TAX1BP1: variants seen among roughly 807,000 people sequenced by gnomAD.
TAX1BP1 encodes Tax1 binding protein 1.
A neutral mutation model predicts 97.7 loss-of-function variants in TAX1BP1; 62 were observed. The observed-to-expected ratio is 0.63, with a 90% CI of 0.52 to 0.78. The LOEUF is 0.78. TAX1BP1 is among the 30% of genes least tolerant of loss of function. The pLI is 0.00. For missense variants in TAX1BP1, 867 were observed against 916.1 expected, an observed-to-expected ratio of 0.95 and a Z score of 0.69; for synonymous variants, 340 against 304.2, an observed-to-expected ratio of 1.12 and a Z score of -1.23.
intron 5 of TAX1BP1, 149 bp from the exon 6 acceptor site, chr7:27,785,014 C>A: frequency 1.5e-6 from 1 of 668,778 alleles, no homozygotes; most frequent in Non-Finnish European, 2.4e-6. Context: ...GTTATCATTT[C>A]AAGTTTTATA....
intron 1 of TAX1BP1, among the ~76,000 whole-genome samples, 175 bp from the exon 2 acceptor site, chr7:27,748,343 C>G (rs962064923): frequency 6.6e-6 from 1 of 151,994 alleles, no homozygotes; most frequent in Non-Finnish European, 1.5e-5. Context: ...TCCAGTTTGT[C>G]TGTATTTTTA....
chr7:27,798,340 C>T (rs1246082247), intron 12 of TAX1BP1, among the ~76,000 whole-genome samples: 1 of 151,160 alleles, frequency 6.6e-6, no homozygotes, highest in African/African-American at 2.4e-5. Context: ...GGGTGAATTG[C>T]CTGGGTGATA....
At chr7:27,824,426 C>T (rs1016394972) in intron 15 of TAX1BP1, among the ~76,000 whole-genome samples, 10 of 151,294 alleles carry the variant, frequency 6.6e-5, no homozygotes, top group Non-Finnish European at 8.8e-5. Context: ...TGGTGGTACA[C>T]GCCGGTAGTC....
At chr7:27,802,717 C>T (rs1429521266) in intron 13 of TAX1BP1, among the ~76,000 whole-genome samples, 4 of 151,844 alleles carry the variant, frequency 2.6e-5, no homozygotes, top group Non-Finnish European at 4.4e-5. Context: ...AAGTGGTACA[C>T]GAGTTAATAT....
chr7:27,767,559 G>A (rs544573106), intron 4 of TAX1BP1, among the ~76,000 whole-genome samples: 2 of 152,210 alleles, frequency 1.3e-5, no homozygotes, highest in South Asian at 4.1e-4. Flanking sequence ...TGGTGCAACT[G>A]CCTGATGATC....
At chr7:27,824,549 CAAAA>C (rs34757943) in intron 15 of TAX1BP1, among the ~76,000 whole-genome samples, 2 of 91,630 alleles carry the variant, frequency 2.2e-5, no homozygotes, top group African/African-American at 4.3e-5. Flanking sequence ...GACCTTGTCT[CAAAA>C]AAAAAAAAAA....
Position 27,800,066 on chromosome 7 carries a change from A to G in TAX1BP1, c.1740A>G (p.Leu580=). The change falls in exon 13 of 17, where the codon CTA becomes CTG. Residue 580 remains leucine, a synonymous_variant. Transcript: ENST00000396319. ...TTGCTGAAAATGTAAAACTTGAACT[A>G]GCTGAAGTACAGGACAATTATAAAG... The part of the protein sequence containing the change: ...VKIAENVKLE[L]AEVQDNYKEL... The G allele has an allele frequency of 2.5e-6, 4 of 1,593,494 alleles. No homozygotes were observed. Among genetic ancestry groups the G allele is most frequent in the Non-Finnish European group, 2.6e-6 (3 of 1,170,182 alleles).
At chr7:27,806,528 A>C (rs1790346853) in intron 13 of TAX1BP1, among the ~76,000 whole-genome samples, 1 of 152,116 alleles carries the variant, frequency 6.6e-6, no homozygotes, top group African/African-American at 2.4e-5. Flanking sequence ...TATGTCAGTG[A>C]TTTGAGATAC....
chr7:27,819,502 T>C (rs1305519461), intron 15 of TAX1BP1, among the ~76,000 whole-genome samples: 1 of 152,108 alleles, frequency 6.6e-6, no homozygotes, highest in Non-Finnish European at 1.5e-5. Flanking sequence ...TAAGATGGCA[T>C]TGAAAGGAAT....
intron 12 of TAX1BP1, among the ~76,000 whole-genome samples, chr7:27,796,585 G>C (rs1789942509): frequency 6.6e-6 from 1 of 152,228 alleles, no homozygotes; most frequent in African/African-American, 2.4e-5. Flanking sequence ...TTATCGGCCA[G>C]GTGCGGTGGC....
chr7:27,786,224 C>T (rs147654494), intron 7 of TAX1BP1, among the ~76,000 whole-genome samples: 1,999 of 151,302 alleles, frequency 0.013, 14 homozygotes, highest in Middle Eastern at 0.044. Context: ...CTCTGCCTCT[C>T]GGGTTCACGC....
At chr7:27,760,538 G>A (rs1408582632) in intron 3 of TAX1BP1, among the ~76,000 whole-genome samples, 12 of 151,942 alleles carry the variant, frequency 7.9e-5, no homozygotes, top group East Asian at 7.8e-4. Context: ...GACCGGAGGC[G>A]CCCGCCACCA....
intron 3 of TAX1BP1, among the ~76,000 whole-genome samples, chr7:27,765,406 T>TA (rs1247220425): frequency 6.6e-6 from 1 of 152,200 alleles, no homozygotes; most frequent in Non-Finnish European, 1.5e-5. Context: ...TTACTTTAGT[T>TA]AATATCTCTT....
rs1789738125 is a variant in TAX1BP1 at position 27,792,149 on chromosome 7, A to G, written c.1182A>G (p.Ala394=). ...GAACGATGGCAGACCTGCATACTGCACGCTTGGAAAACGAGAAAGTGAAAA... is the reference window on the plus strand; with the variant it reads ...GAACGATGGCAGACCTGCATACTGCGCGCTTGGAAAACGAGAAAGTGAAAA... ...RDRTMADLHT[A]RLENEKVKKQ... The change falls in exon 9 of 17, where the codon GCA becomes GCG. Residue 394 remains alanine, a synonymous_variant. Transcript: ENST00000396319. 6.2e-7 allele frequency: 1 copy of G among 1,614,028 alleles called. No homozygotes were observed. The highest frequency in any genetic ancestry group is 8.5e-7 in the Non-Finnish European group (1 of 1,180,028).
At chr7:27,761,311 G>A (rs1209939895) in intron 3 of TAX1BP1, among the ~76,000 whole-genome samples, 1 of 152,040 alleles carries the variant, frequency 6.6e-6, no homozygotes, top group African/African-American at 2.4e-5. Flanking sequence ...TGTTATAATT[G>A]ATGGACCAAT....
At chr7:27,763,517 A>T (rs1788507346) in intron 3 of TAX1BP1, among the ~76,000 whole-genome samples, 1 of 152,162 alleles carries the variant, frequency 6.6e-6, no homozygotes, top group African/African-American at 2.4e-5. Context: ...CTGTAATCCC[A>T]GCACTTTGGG....
intron 2 of TAX1BP1, among the ~76,000 whole-genome samples, chr7:27,752,516 A>G (rs899699751): frequency 1.6e-4 from 25 of 152,184 alleles, no homozygotes; most frequent in Admixed American, 4.6e-4. Flanking sequence ...AGGGAAGTTA[A>G]GAGGACAAAG....
In TAX1BP1 at chr7:27,796,117, A is replaced by G; in HGVS notation, c.1536A>G (p.Ala512=). 1 of 1,605,956 alleles carries G rather than the reference A, an allele frequency of 6.2e-7. No homozygotes were observed. The highest frequency in any genetic ancestry group is 1.7e-4 in the Middle Eastern group (1 of 6,046). ...GTCTTATATTCTGCCTTTCTACAGC[A>G]GAGGCAGATTTTGACATAGTAACAA... ...TVDVKPSPSA[A]EADFDIVTKG... is the part of the protein sequence containing the mutation. Residue 512 remains alanine (A), a splice_region_variant and synonymous_variant, in exon 12 of 17, where the codon GCA becomes GCG. Transcript: ENST00000396319.
chr7:27,801,589 G>T (rs2128320573), intron 13 of TAX1BP1, among the ~76,000 whole-genome samples: 1 of 152,232 alleles, frequency 6.6e-6, no homozygotes, highest in East Asian at 1.9e-4. Flanking sequence ...ATCACATAAG[G>T]CACAGTGCTA....
Sources: gnomAD v4.1 joint callset for allele counts (sites outside exome capture counted in the v4.1 genomes callset) on GRCh38, gnomAD v4.1.1 for gene constraint, MANE v1.5 for transcripts, NCBI Gene and HGNC (gene_info 2026-07-23, HGNC 2026-07-21) for gene names.